AKT3: variants seen among roughly 807,000 people sequenced by gnomAD.
AKT3 encodes RAC-gamma serine/threonine-protein kinase.
A neutral mutation model predicts 65.3 loss-of-function variants in AKT3; 15 were observed. That is an observed-to-expected ratio of 0.23 (90% CI 0.15 to 0.35). AKT3 has a LOEUF of 0.35. AKT3 is among the 10% of genes least tolerant of loss of function. AKT3 has a pLI of 1.00. For synonymous variants in AKT3, 206 were observed against 183.8 expected (o/e 1.12, Z -0.98); for missense variants, 243 against 576.5 (o/e 0.42, Z 5.92).
intron 2 of AKT3, among the ~76,000 whole-genome samples, chr1:243,828,173 T>C (rs976174704): frequency 2.0e-5 from 3 of 152,182 alleles, no homozygotes; most frequent in Non-Finnish European, 2.9e-5. Flanking sequence ...GTAAAGTTGA[T>C]GTCAAACTAG....
At chr1:243,752,934 T>C (rs1385406663) in intron 2 of AKT3, among the ~76,000 whole-genome samples, 1 of 152,200 alleles carries the variant, frequency 6.6e-6, no homozygotes, top group East Asian at 1.9e-4. Flanking sequence ...AGCAGACATC[T>C]GAAGTGGGCA....
At chr1:243,849,529 C>T (rs1209452687) in intron 1 of AKT3, among the ~76,000 whole-genome samples, 1 of 151,612 alleles carries the variant, frequency 6.6e-6, no homozygotes, top group Non-Finnish European at 1.5e-5. Flanking sequence ...CGCCAGGGCG[C>T]GCGGCAGACG....
chr1:243,705,264 G>T (rs1685722812), intron 2 of AKT3, among the ~76,000 whole-genome samples: 1 of 152,120 alleles, frequency 6.6e-6, no homozygotes. Context: ...GTTTTGCTTT[G>T]AAGCTGATGA....
intron 8 of AKT3, among the ~76,000 whole-genome samples, chr1:243,588,085 A>G (rs1388783084): frequency 6.6e-6 from 1 of 152,252 alleles, no homozygotes. Flanking sequence ...AAGAAAAATC[A>G]CAAACCTAAT....
At chr1:243,593,686 C>T (rs1250944142) in intron 8 of AKT3, among the ~76,000 whole-genome samples, 2 of 151,986 alleles carry the variant, frequency 1.3e-5, no homozygotes, top group African/African-American at 4.8e-5. Context: ...AGTGAGACTC[C>T]GTGTCTAAAT....
chr1:243,586,748 G>A (rs151328732), intron 8 of AKT3, among the ~76,000 whole-genome samples: 5 of 152,228 alleles, frequency 3.3e-5, no homozygotes, highest in African/African-American at 9.6e-5. Flanking sequence ...GTTAAAAAGG[G>A]TGGAAAAATT....
chr1:243,581,685 A>G (rs2148526102), intron 8 of AKT3, among the ~76,000 whole-genome samples: 1 of 152,250 alleles, frequency 6.6e-6, no homozygotes, highest in South Asian at 2.1e-4. Context: ...ACTATGAAAA[A>G]TCTGAATGTA....
At chr1:243,492,246 G>T (rs571889861) in intron 13 of AKT3, among the ~76,000 whole-genome samples, 11 of 151,518 alleles carry the variant, frequency 7.3e-5, no homozygotes, top group Non-Finnish European at 1.5e-5. Context: ...CGCTGTCTGC[G>T]GTGGGCAGGA....
chr1:243,614,995 A>T, intron 7 of AKT3, 101 bp downstream of exon 7: 1 of 844,214 alleles, frequency 1.2e-6, no homozygotes, highest in Non-Finnish European at 1.9e-6. Flanking sequence ...AAAGAAAATG[A>T]GATATCTAAA....
intron 5 of AKT3, among the ~76,000 whole-genome samples, chr1:243,641,293 C>T (rs1680377293): frequency 6.7e-6 from 1 of 149,818 alleles, no homozygotes; most frequent in Non-Finnish European, 1.5e-5. Context: ...CACACACGCA[C>T]ACACACACAC....
chr1:243,772,704 T>A (rs529690050), intron 2 of AKT3, among the ~76,000 whole-genome samples: 2 of 152,144 alleles, frequency 1.3e-5, no homozygotes, highest in South Asian at 4.1e-4. Context: ...CCCAAAGGAA[T>A]ATAAATCATG....
At chr1:243,509,566 G>T (rs1053872421) in intron 13 of AKT3, among the ~76,000 whole-genome samples, 1 of 152,040 alleles carries the variant, frequency 6.6e-6, no homozygotes, top group South Asian at 2.1e-4. Context: ...ATTTGCTCTG[G>T]TCTTTCTAGT....
intron 13 of AKT3, among the ~76,000 whole-genome samples, chr1:243,506,984 A>G (rs1433716787): frequency 6.6e-6 from 1 of 152,246 alleles, no homozygotes. Context: ...AACTCTCTAG[A>G]GAATACGGGC....
At chr1:243,599,098 TTTG>T (rs1676831222) in intron 8 of AKT3, among the ~76,000 whole-genome samples, 1 of 152,192 alleles carries the variant, frequency 6.6e-6, no homozygotes, top group Admixed American at 6.5e-5. Flanking sequence ...TTATTTATAA[TTTG>T]TTATTAACTC....
At chr1:243,639,075 AG>A (rs1302001183) in intron 5 of AKT3, among the ~76,000 whole-genome samples, 5 of 152,186 alleles carry the variant, frequency 3.3e-5, no homozygotes, top group Non-Finnish European at 7.3e-5. Context: ...AGATATTAAA[AG>A]AAACGTAAGA....
chr1:243,511,750 T>C (rs1268177001), intron 13 of AKT3, among the ~76,000 whole-genome samples: 1 of 152,230 alleles, frequency 6.6e-6, no homozygotes, highest in Non-Finnish European at 1.5e-5. Context: ...GTGTGAGACA[T>C]ACTAATGTAT....
intron 2 of AKT3, among the ~76,000 whole-genome samples, chr1:243,771,202 C>A (rs1690164294): frequency 6.6e-6 from 1 of 152,148 alleles, no homozygotes; most frequent in Admixed American, 6.6e-5. Flanking sequence ...CAGAGTCCCT[C>A]AAATGCAGTT....
chr1:243,693,293 T>TATAA (rs1684842926), intron 3 of AKT3, among the ~76,000 whole-genome samples: 3 of 114,832 alleles, frequency 2.6e-5, no homozygotes, highest in South Asian at 2.8e-4. Context: ...TATATATATA[T>TATAA]AACATTTCCC....
intron 6 of AKT3, among the ~76,000 whole-genome samples, chr1:243,626,046 T>C (rs897011675): frequency 6.6e-6 from 1 of 152,232 alleles, no homozygotes; most frequent in African/African-American, 2.4e-5. Context: ...ATTAACTTCA[T>C]GGTCATCAGG....
Sources: allele counts gnomAD v4.1 joint callset (sites outside exome capture counted in the v4.1 genomes callset), GRCh38; gene constraint gnomAD v4.1.1; transcripts MANE v1.5; gene names NCBI Gene and HGNC (gene_info 2026-07-23, HGNC 2026-07-21).